The following SGCZ variants were observed in gnomAD, a reference collection of about 807,000 sequenced individuals.
SGCZ encodes sarcoglycan zeta.
Under a neutral mutation model 41.3 loss-of-function variants are expected in SGCZ, and 40 were observed. That is an observed-to-expected ratio of 0.97 (90% confidence interval 0.75 to 1.26). The LOEUF (loss-of-function observed/expected upper bound fraction) is 1.26, where lower values mean the gene tolerates loss of function less well. Ranked by LOEUF, SGCZ falls within the 50% of genes most tolerant of loss-of-function variation. The probability of loss-of-function intolerance (pLI) is 0.00; values close to 1 mark genes in which losing one functional copy is unlikely to be tolerated. For missense variants in SGCZ, 552 were observed against 369.8 expected, an observed-to-expected ratio of 1.49 and a Z score of -4.04; for synonymous variants, 206 against 137.5, an observed-to-expected ratio of 1.50 and a Z score of -3.49.
intron 5 of SGCZ, among the ~76,000 whole-genome samples, chr8:14,117,866 A>G (rs899193985): frequency 4.0e-5 from 5 of 125,636 alleles, no homozygotes; most frequent in Non-Finnish European, 6.8e-5. Context: ...TCGTTTGCTG[A>G]GAATGATGTT....
At chr8:14,230,644 T>C (rs1806529903) in intron 4 of SGCZ, among the ~76,000 whole-genome samples, 1 of 152,116 alleles carries the variant, frequency 6.6e-6, no homozygotes, top group South Asian at 2.1e-4. Context: ...TTACATACTG[T>C]ATACATCATA....
At chr8:14,138,315 A>G (rs1327423159) in intron 5 of SGCZ, among the ~76,000 whole-genome samples, 1 of 152,212 alleles carries the variant, frequency 6.6e-6, no homozygotes, top group African/African-American at 2.4e-5. Context: ...GACAGGATCA[A>G]ATTCAAACAT....
intron 1 of SGCZ, among the ~76,000 whole-genome samples, chr8:14,892,898 G>A (rs1805065637): frequency 6.6e-6 from 1 of 152,042 alleles, no homozygotes; most frequent in African/African-American, 2.4e-5. Flanking sequence ...ATATGATTGG[G>A]CACTGCTTAG....
At chr8:14,648,937 G>T (rs544595752) in intron 1 of SGCZ, among the ~76,000 whole-genome samples, 17 of 152,114 alleles carry the variant, frequency 1.1e-4, no homozygotes, top group African/African-American at 3.9e-4. Flanking sequence ...TGGGATTATT[G>T]GAGTTTGTAG....
intron 1 of SGCZ, among the ~76,000 whole-genome samples, chr8:14,780,717 T>C (rs1012873674): frequency 6.6e-6 from 1 of 152,166 alleles, no homozygotes; most frequent in Non-Finnish European, 1.5e-5. Context: ...ACAACAGGAC[T>C]GATTTTGTTT....
rs572857559 is a variant in SGCZ at position 14,770,107 on chromosome 8, T to A, written c.40-215181A>T. On this transcript the variant is annotated intron_variant, in intron 1 of 7. Transcript: ENST00000382080. Reference sequence around the variant, plus strand: ...CAAAATGAGGATAATAGTATAATAATATTTTTATAATACAATAATAATTAT... The same window carrying A: ...CAAAATGAGGATAATAGTATAATAAAATTTTTATAATACAATAATAATTAT... 2.7e-5 allele frequency among the ~76,000 whole-genome samples: 4 copies of A among 149,110 alleles called. No individual in the cohort carries two copies. In the South Asian group the frequency reaches 8.3e-4, roughly 31 times the overall value.
At chr8:14,619,002 C>T (rs375416349) in intron 1 of SGCZ, among the ~76,000 whole-genome samples, 2 of 152,162 alleles carry the variant, frequency 1.3e-5, no homozygotes, top group African/African-American at 4.8e-5. Context: ...TCCAAGTGAA[C>T]ACATGAACCT....
chr8:14,423,260 T>C (rs982016834), intron 2 of SGCZ, among the ~76,000 whole-genome samples: 4 of 151,810 alleles, frequency 2.6e-5, no homozygotes, highest in African/African-American at 9.7e-5. Flanking sequence ...CATGTATACA[T>C]ATGTAACTAA....
At chr8:14,738,011 G>A (rs1073066) in intron 1 of SGCZ, among the ~76,000 whole-genome samples, 21,971 of 151,980 alleles carry the variant, frequency 0.14, 2,063 homozygotes, top group Admixed American at 0.25. Context: ...ATGATCCCAA[G>A]TTCACACAGG....
At chr8:15,110,357 T>C (rs1807000749) in intron 1 of SGCZ, among the ~76,000 whole-genome samples, 2 of 152,222 alleles carry the variant, frequency 1.3e-5, no homozygotes, top group South Asian at 4.1e-4. Flanking sequence ...TGTAAGCTCA[T>C]AAAATTATGT....
At chr8:14,199,500 G>A (rs949204762) in intron 4 of SGCZ, among the ~76,000 whole-genome samples, 16 of 152,070 alleles carry the variant, frequency 1.1e-4, no homozygotes, top group Non-Finnish European at 2.2e-4. Context: ...ACCTTGTGAA[G>A]CATGTGATCT....
chr8:14,936,657 A>G (rs1800094345), intron 1 of SGCZ, among the ~76,000 whole-genome samples: 1 of 151,924 alleles, frequency 6.6e-6, no homozygotes, highest in Admixed American at 6.6e-5. Flanking sequence ...GTTCATAAGG[A>G]TAAAAATAGA....
intron 1 of SGCZ, among the ~76,000 whole-genome samples, chr8:14,637,414 C>T (rs1806869094): frequency 6.6e-6 from 1 of 151,532 alleles, no homozygotes; most frequent in Non-Finnish European, 1.5e-5. Context: ...TGGATCCCAT[C>T]ACTCAGATAA....
At chr8:14,639,038 C>CTTTTTTTTTTTTTTTTTTTTT (rs148778266) in intron 1 of SGCZ, among the ~76,000 whole-genome samples, 1 of 137,614 alleles carries the variant, frequency 7.3e-6, no homozygotes, top group Non-Finnish European at 1.6e-5. Flanking sequence ...AAACTGGAAT[C>CTTTTTTTTTTTTTTTTTTTTT]TTTTTTTTTT....
chr8:14,567,799 C>T (rs1004369416), intron 1 of SGCZ, among the ~76,000 whole-genome samples: 1 of 152,096 alleles, frequency 6.6e-6, no homozygotes. Flanking sequence ...GAATGAACAC[C>T]TCCAGACGCA....
intron 1 of SGCZ, among the ~76,000 whole-genome samples, chr8:15,003,274 T>G (rs1244270360): frequency 2.6e-5 from 4 of 152,030 alleles, no homozygotes; most frequent in South Asian, 4.1e-4. Flanking sequence ...GCAGAGAGGG[T>G]TGCTGAAATA....
chr8:14,313,577 C>T (rs188363957), intron 3 of SGCZ, among the ~76,000 whole-genome samples: 5 of 152,290 alleles, frequency 3.3e-5, no homozygotes, highest in Admixed American at 3.3e-4. Flanking sequence ...CTCAAGTGGT[C>T]CACCTTCCTT....
At chr8:15,080,677 G>GC (rs1433309501) in intron 1 of SGCZ, among the ~76,000 whole-genome samples, 3 of 152,046 alleles carry the variant, frequency 2.0e-5, no homozygotes, top group African/African-American at 7.2e-5. Context: ...TGCAACCTCC[G>GC]CCTCTGGGGT....
chr8:14,506,914 G>T (rs949624653), intron 2 of SGCZ, among the ~76,000 whole-genome samples: 1 of 152,038 alleles, frequency 6.6e-6, no homozygotes, highest in Admixed American at 6.6e-5. Flanking sequence ...TTTAGACTTT[G>T]ATGTTGACCA....
Sources: gnomAD v4.1 joint callset for allele counts (sites outside exome capture counted in the v4.1 genomes callset) on GRCh38, gnomAD v4.1.1 for gene constraint, MANE v1.5 for transcripts, NCBI Gene and HGNC (gene_info 2026-07-23, HGNC 2026-07-21) for gene names.